Variants in PAPPA2 observed in about 807,000 individuals in gnomAD.
PAPPA2 encodes the protein pappalysin 2.
A neutral mutation model predicts 176.4 loss-of-function variants in PAPPA2; 86 were observed. The ratio of observed to expected loss-of-function variants is 0.49; its 90% confidence interval spans 0.41 to 0.58. The LOEUF (loss-of-function observed/expected upper bound fraction) is 0.58. Among genes scored for constraint, PAPPA2 ranks in the 20% least tolerant of loss-of-function variants. PAPPA2 has a pLI of 0.00. For synonymous variants in PAPPA2, 809 were observed against 852.2 expected (o/e 0.95, Z 0.88); for missense variants, 2,073 against 2,256.9 (o/e 0.92, Z 1.65).
intron 17 of PAPPA2, among the ~76,000 whole-genome samples, chr1:176,780,068 C>T (rs1489029515): frequency 1.3e-5 from 2 of 152,178 alleles, no homozygotes; most frequent in Admixed American, 1.3e-4. Flanking sequence ...CATTAGCAAA[C>T]TAGGGTCTTA....
rs892549006 is a variant in PAPPA2, at chr1:176,556,124, A to C, written c.-199A>C. The C allele has an allele frequency of 6.4e-6, 4 of 627,036 alleles. No individual in the cohort carries two copies. In the African/African-American group the frequency reaches 7.3e-5, roughly 12 times the overall value. 38.8% of individuals were successfully genotyped at this position (627,036 alleles called of 1,614,324 possible). ...AGCACATGCCCTGGGGAGGCATAGAAGCCACACTGGCAGAGCGGCCAGCAC... is the reference window on the plus strand; with the variant it reads ...AGCACATGCCCTGGGGAGGCATAGACGCCACACTGGCAGAGCGGCCAGCAC... On this transcript the variant is annotated 5_prime_UTR_variant, in exon 2 of 23. Coordinates refer to ENST00000367662, the MANE Select transcript of PAPPA2 (RefSeq NM_020318.3).
rs745863325 is a variant in PAPPA2, at chr1:176,706,449, A to G, written c.3456A>G (p.Val1152=). The G allele has an allele frequency of 4.5e-5, 72 of 1,612,974 alleles. No individual in the cohort carries two copies. Among genetic ancestry groups the G allele is most frequent in the Non-Finnish European group, 6.0e-5 (71 of 1,179,298 alleles). ...VCELEEGFNC[V]GEPSLCYMYE... ...AGCTGGAGGAAGGTTTCAACTGTGT[A>G]GGTAAGTTCAAGAGTTTCAGTCTAA... The change falls in exon 10 of 23, where the codon GTA becomes GTG. Residue 1152 remains valine (V), a splice_region_variant and synonymous_variant. Coordinates refer to ENST00000367662, the MANE Select transcript of PAPPA2 (RefSeq NM_020318.3).
chr1:176,821,916 G>A (rs1666680823), intron 21 of PAPPA2, among the ~76,000 whole-genome samples: 1 of 152,150 alleles, frequency 6.6e-6, no homozygotes, highest in Admixed American at 6.6e-5. Flanking sequence ...TCCACCCTAT[G>A]CCAAGACACT....
At chr1:176,616,659 G>A (rs1655280269) in intron 3 of PAPPA2, 1 of 1,564,470 alleles carries the variant, frequency 6.4e-7, no homozygotes, top group African/African-American at 1.4e-5. Context: ...TCTTACTATT[G>A]TGGTAGCTCC....
intron 21 of PAPPA2, among the ~76,000 whole-genome samples, chr1:176,819,590 G>A (rs965482731): frequency 4.6e-5 from 7 of 152,266 alleles, no homozygotes; most frequent in Non-Finnish European, 1.0e-4. Context: ...ATGTTTGTGA[G>A]GGCATTTGTA....
intron 4 of PAPPA2, among the ~76,000 whole-genome samples, chr1:176,687,477 GT>G (rs1255068654): frequency 6.6e-6 from 1 of 152,134 alleles, no homozygotes; most frequent in Non-Finnish European, 1.5e-5. Flanking sequence ...ACTTCTGCTG[GT>G]TGATGAGAAG....
chr1:176,763,235 A>C (rs1276766287), intron 14 of PAPPA2, among the ~76,000 whole-genome samples: 1 of 152,196 alleles, frequency 6.6e-6, no homozygotes, highest in Non-Finnish European at 1.5e-5. Flanking sequence ...TAGTAGTCAT[A>C]TCTTTGGGCT....
chr1:176,738,112 A>G (rs1662503316), intron 12 of PAPPA2, among the ~76,000 whole-genome samples: 1 of 152,234 alleles, frequency 6.6e-6, no homozygotes, highest in East Asian at 1.9e-4. Context: ...AGGGCATTGA[A>G]TTGGGCTCTT....
chr1:176,546,312 G>A (rs191107853), intron 1 of PAPPA2, among the ~76,000 whole-genome samples: 4 of 152,192 alleles, frequency 2.6e-5, no homozygotes, highest in East Asian at 1.9e-4. Flanking sequence ...GGACATTTTG[G>A]TGGTGTTACT....
intron 1 of PAPPA2, among the ~76,000 whole-genome samples, chr1:176,523,868 T>G (rs536210036): frequency 1.8e-4 from 27 of 152,226 alleles, no homozygotes; most frequent in Non-Finnish European, 3.8e-4. Flanking sequence ...ACATCCCCAC[T>G]TTTGTACCTT....
At chr1:176,493,174 G>A (rs1647386236) in intron 1 of PAPPA2, among the ~76,000 whole-genome samples, 2 of 152,170 alleles carry the variant, frequency 1.3e-5, no homozygotes, top group African/African-American at 4.8e-5. Flanking sequence ...ATCATGAATT[G>A]TTCATGCCAT....
At chr1:176,712,187 C>G (rs1210310626) in intron 12 of PAPPA2, among the ~76,000 whole-genome samples, 1 of 152,066 alleles carries the variant, frequency 6.6e-6, no homozygotes, top group Non-Finnish European at 1.5e-5. Context: ...ATCAGTTTAT[C>G]AAAGTGTAAC....
chr1:176,721,932 C>T (rs1416942331), intron 12 of PAPPA2, among the ~76,000 whole-genome samples: 1 of 151,424 alleles, frequency 6.6e-6, no homozygotes, highest in East Asian at 1.9e-4. Flanking sequence ...TTTGTTATTC[C>T]CTTCTTTTTC....
chr1:176,736,904 A>G (rs1288148913), intron 12 of PAPPA2, among the ~76,000 whole-genome samples: 2 of 151,926 alleles, frequency 1.3e-5, no homozygotes, highest in African/African-American at 2.4e-5. Context: ...ATCTTGGAAT[A>G]CCAGTTCACA....
In PAPPA2 at chr1:176,765,812, G is replaced by C. The variant is rs1329020974; in HGVS notation, c.4298G>C (p.Ser1433Thr). 5 of 1,614,014 alleles carry C rather than the reference G, an allele frequency of 3.1e-6. No individual in the cohort carries two copies. The highest frequency in any genetic ancestry group is 4.2e-6 in the Non-Finnish European group (5 of 1,180,026). Residue 1433 changes from serine (S) to threonine (T), a missense_variant, in exon 15 of 23, where the codon AGT (serine) becomes ACT (threonine). Ser to Thr is a moderately conservative substitution (Grantham distance 58). Transcript: ENST00000367662. ...AGGGGATTTGCCCTTCAGGCCAGCA[G>C]TGGGCAGTACATCAGGCCCATGCAG... ...CQRGFALQAS[S>T]GQYIRPMQKE...
At chr1:176,758,840 G>A (rs575134932) in intron 14 of PAPPA2, among the ~76,000 whole-genome samples, 7 of 152,222 alleles carry the variant, frequency 4.6e-5, no homozygotes, top group African/African-American at 1.7e-4. Flanking sequence ...TGGGTTTTCT[G>A]CACTCCCACC....
chr1:176,758,919 A>T (rs1663563797), intron 14 of PAPPA2, among the ~76,000 whole-genome samples: 1 of 152,216 alleles, frequency 6.6e-6, no homozygotes, highest in Admixed American at 6.5e-5. Flanking sequence ...CTTTGATAGA[A>T]GTCAGTTCAA....
At chr1:176,744,085 T>A (rs1323332446) in intron 14 of PAPPA2, among the ~76,000 whole-genome samples, 1 of 152,174 alleles carries the variant, frequency 6.6e-6, no homozygotes, top group East Asian at 1.9e-4. Flanking sequence ...CTTCTTTCAT[T>A]TTTCCCTTGT....
chr1:176,537,777 C>G (rs1650149214), intron 1 of PAPPA2, among the ~76,000 whole-genome samples: 1 of 144,810 alleles, frequency 6.9e-6, no homozygotes, highest in Non-Finnish European at 1.5e-5. Flanking sequence ...TGTGTTAACG[C>G]TGTGACCTCT....
Sources: gnomAD v4.1 joint callset for allele counts (sites outside exome capture counted in the v4.1 genomes callset) on GRCh38, gnomAD v4.1.1 for gene constraint, MANE v1.5 for transcripts, NCBI Gene and HGNC (gene_info 2026-07-23, HGNC 2026-07-21) for gene names.